SMC5: variants seen among roughly 807,000 people sequenced by gnomAD.
SMC5 encodes structural maintenance of chromosomes protein 5.
In SMC5, 88 loss-of-function variants were observed where a neutral mutation model predicts 148.3. That is an observed-to-expected ratio of 0.59 (90% CI 0.50 to 0.71). The LOEUF (loss-of-function observed/expected upper bound fraction) is 0.71. Among genes scored for constraint, SMC5 ranks in the 30% least tolerant of loss-of-function variants. The pLI, the probability that SMC5 is intolerant of heterozygous loss-of-function variation, is 0.00. For synonymous variants in SMC5, 421 were observed against 432.8 expected (o/e 0.97, Z 0.34); for missense variants, 1,142 against 1,298.9 (o/e 0.88, Z 1.86).
chr9:70,280,626 C>A, intron 5 of SMC5, 133 bp from the exon 6 acceptor site: 1 of 773,122 alleles, frequency 1.3e-6, no homozygotes, highest in Non-Finnish European at 2.0e-6. Context: ...AGGCTGGAGT[C>A]TACATAGTTC....
chr9:70,324,652 C>G (rs1479300413), intron 17 of SMC5, among the ~76,000 whole-genome samples: 1 of 152,012 alleles, frequency 6.6e-6, no homozygotes. Flanking sequence ...GCTCGGTTCC[C>G]AAAAAGACCA....
intron 17 of SMC5, among the ~76,000 whole-genome samples, chr9:70,332,598 C>T (rs1230302666): frequency 6.7e-6 from 1 of 150,278 alleles, no homozygotes; most frequent in Non-Finnish European, 1.5e-5. Flanking sequence ...GGAGGGAATA[C>T]TTCTTGAAGC....
At chr9:70,268,902 GT>G (rs1217631433) in intron 3 of SMC5, among the ~76,000 whole-genome samples, 3 of 152,214 alleles carry the variant, frequency 2.0e-5, no homozygotes, top group Non-Finnish European at 4.4e-5. Flanking sequence ...TAGAGTTGAT[GT>G]TTATGATGAA....
In SMC5 at chr9:70,282,552, G is replaced by A. The variant is rs115131883; in HGVS notation, c.950G>A (p.Arg317His). The change falls in exon 7 of 25, where the codon CGT becomes CAT. Residue 317 changes from arginine to histidine, a missense_variant. Around this residue, in one of 5 missense-constraint regions of SMC5, gnomAD observed 743 missense variants for 835.7 expected, o/e 0.89. Transcript: ENST00000361138. ...CGAATTGAAGAAATGGAAAACGAGC[G>A]TCACAATTTGGAGGCTCGAATCAAA... ...TCRIEEMENE[R>H]HNLEARIKEK... 2.5e-5 allele frequency: 40 copies of A among 1,586,480 alleles called. No individual in the cohort carries two copies. The highest frequency in any genetic ancestry group is 1.6e-4 in the African/African-American group (12 of 73,546).
In SMC5 at chr9:70,270,376, C is replaced by T. The variant is rs143542943; in HGVS notation, c.380+2401C>T. Among the ~76,000 whole-genome samples, 599 of 152,206 alleles carry T rather than the reference C, an allele frequency of 3.9e-3. 3 individuals are homozygous for T. Among genetic ancestry groups the T allele is most frequent in the African/African-American group, 0.013 (554 of 41,522 alleles). On this transcript the variant is annotated intron_variant, in intron 3 of 24. Coordinates refer to ENST00000361138, the MANE Select transcript of SMC5 (RefSeq NM_015110.4). ...TCGTAATCTGGGAACTCTCTGAAAC[C>T]CATGGTTCAGGGAATTTTATGGAGG...
intron 7 of SMC5, among the ~76,000 whole-genome samples, chr9:70,284,341 G>A (rs1473280852): frequency 6.6e-6 from 1 of 152,154 alleles, no homozygotes; most frequent in Non-Finnish European, 1.5e-5. Context: ...AAAAGGAATT[G>A]TAGATATTAT....
chr9:70,268,260 A>T (rs1034673103), intron 3 of SMC5, among the ~76,000 whole-genome samples: 1 of 152,194 alleles, frequency 6.6e-6, no homozygotes, highest in Non-Finnish European at 1.5e-5. Context: ...AGCCTGACCA[A>T]CATGAGGAAG....
chr9:70,261,266 G>A (rs1195155346), intron 1 of SMC5, among the ~76,000 whole-genome samples: 1 of 152,156 alleles, frequency 6.6e-6, no homozygotes, highest in African/African-American at 2.4e-5. Context: ...TTTTCAACAG[G>A]GAATGACGTG....
chr9:70,309,290 C>T (rs575089308), intron 11 of SMC5, among the ~76,000 whole-genome samples: 1 of 142,780 alleles, frequency 7.0e-6, no homozygotes, highest in East Asian at 2.1e-4. Flanking sequence ...TAGCATTTTA[C>T]CCATAGCAGA....
chr9:70,319,196 A>G (rs973146196), intron 15 of SMC5, among the ~76,000 whole-genome samples: 1 of 152,208 alleles, frequency 6.6e-6, no homozygotes, highest in Admixed American at 6.5e-5. Flanking sequence ...TATGCTTAAA[A>G]ATTAATGAGG....
chr9:70,260,083 T>G (rs1222839702), intron 1 of SMC5, among the ~76,000 whole-genome samples: 1 of 152,130 alleles, frequency 6.6e-6, no homozygotes, highest in Non-Finnish European at 1.5e-5. Context: ...TAGCTGGGAC[T>G]ACAGGCGCGC....
intron 17 of SMC5, among the ~76,000 whole-genome samples, chr9:70,326,487 G>A (rs1260293683): frequency 1.3e-5 from 2 of 151,692 alleles, no homozygotes; most frequent in African/African-American, 4.8e-5. Context: ...GGTCAAAAAA[G>A]AAAGGAGAGA....
In SMC5 at chr9:70,315,515, C is replaced by T. The variant is rs757377960; in HGVS notation, c.1743C>T (p.Cys581=). 5 of 1,597,390 alleles carry T rather than the reference C, an allele frequency of 3.1e-6. No homozygotes were observed. Among genetic ancestry groups the T allele is most frequent in the Non-Finnish European group, 4.3e-6 (5 of 1,169,878 alleles). The change falls in exon 13 of 25, where the codon TGC becomes TGT. Residue 581 remains cysteine (C), a synonymous_variant. Transcript: ENST00000361138. ...CTGATCCTGTAATGAGTTACCTTTG[C>T]TGTCAGTATCATATTCATGAAGTTC... ...DAPDPVMSYL[C]CQYHIHEVPV...
chr9:70,323,749 C>A, intron 16 of SMC5, 143 bp downstream of exon 16: 1 of 1,019,678 alleles, frequency 9.8e-7, no homozygotes, highest in South Asian at 1.8e-5. Flanking sequence ...TCATCAGTTT[C>A]AGCTTGCTTA....
intron 17 of SMC5, among the ~76,000 whole-genome samples, chr9:70,333,978 A>C (rs2036291752): frequency 1.3e-5 from 2 of 152,212 alleles, no homozygotes; most frequent in African/African-American, 4.8e-5. Context: ...AACAACTTTG[A>C]AAAATAAGTT....
intron 17 of SMC5, among the ~76,000 whole-genome samples, chr9:70,340,982 TC>T (rs1262511610): frequency 1.3e-5 from 2 of 152,168 alleles, no homozygotes; most frequent in African/African-American, 4.8e-5. Context: ...TTATCTTACA[TC>T]TTAAACAGAT....
At chr9:70,282,628 C>T (rs2034781707) in intron 7 of SMC5, 45 bp downstream of exon 7, 1 of 1,499,858 alleles carries the variant, frequency 6.7e-7, no homozygotes, top group African/African-American at 1.4e-5. Flanking sequence ...TTTATTTTAG[C>T]AAATATAAAA....
chr9:70,297,391 C>G (rs1171772879), intron 8 of SMC5, among the ~76,000 whole-genome samples: 2 of 152,158 alleles, frequency 1.3e-5, no homozygotes, highest in African/African-American at 4.8e-5. Context: ...TAAATACTTA[C>G]TCACACATAA....
chr9:70,312,007 C>A (rs1347081508), intron 11 of SMC5: 1 of 151,594 alleles, frequency 6.6e-6, no homozygotes. Context: ...CCTGTAATCC[C>A]AGCTATGCAA....
Sources: allele counts gnomAD v4.1 joint callset (sites outside exome capture counted in the v4.1 genomes callset), GRCh38; gene constraint gnomAD v4.1.1; regional missense constraint gnomAD v4.1.1; transcripts MANE v1.5; gene names NCBI Gene and HGNC (gene_info 2026-07-23, HGNC 2026-07-21).